FBXO27: variants seen among roughly 807,000 people sequenced by gnomAD.
The protein encoded by FBXO27 is F-box protein 27, also known as F-box only protein 27.
FBXO27 carries 28 observed loss-of-function variants against 28.3 expected under a neutral mutation model. The observed-to-expected ratio is 0.99, with a 90% confidence interval of 0.73 to 1.36. FBXO27 has a LOEUF of 1.36. Among genes scored for constraint, FBXO27 ranks in the 40% most tolerant of loss-of-function variants. The probability of loss-of-function intolerance (pLI) is 0.00; values close to 1 mark genes in which losing one functional copy is unlikely to be tolerated. For synonymous variants in FBXO27, 175 were observed against 167.3 expected, an observed-to-expected ratio of 1.05 and a Z score of -0.36; for missense variants, 388 against 394.1, an observed-to-expected ratio of 0.98 and a Z score of 0.13.
Position 39,031,979 on chromosome 19 carries a change from C to T in FBXO27, c.249G>A (p.Leu83=). The T allele has an allele frequency of 6.6e-7, 1 of 1,523,598 alleles. No individual in the cohort carries two copies. The highest frequency in any genetic ancestry group is 8.7e-7 in the Non-Finnish European group (1 of 1,145,870). The allele number at this position is 1,523,598 out of a possible 1,614,324, so 94.4% of individuals were successfully genotyped here. A position where few individuals can be genotyped will look rare whatever the true frequency, so the allele number is the denominator to read the frequency against. Residue 83 remains leucine (L), a synonymous_variant, in exon 2 of 6, where the codon CTG becomes CTA. Transcript: ENST00000292853. Reference sequence around the variant, plus strand: ...GAGACTGGCAGCTGCGGGCGAGGTGCAGCAGCGCGCGGCCGGTGGCGCCGT... The same window carrying T: ...GAGACTGGCAGCTGCGGGCGAGGTGTAGCAGCGCGCGGCCGGTGGCGCCGT... ...RDHGATGRAL[L]HLARSCQSPA...
At position 39,025,263 on chromosome 19, in the gene FBXO27, G is replaced by T; in HGVS notation, c.*148C>A. 9.5e-7 allele frequency: 1 copy of T among 1,050,700 alleles called. No homozygotes were observed. Among genetic ancestry groups the T allele is most frequent in the Non-Finnish European group, 1.4e-6 (1 of 730,466 alleles). 65.1% of individuals were successfully genotyped at this position (1,050,700 alleles called of 1,614,324 possible). On this transcript the variant is annotated 3_prime_UTR_variant, in exon 6 of 6. Transcript: ENST00000292853. ...TGGTAGTTTCTAGAACCTGAAGACA[G>T]GGCCCGTCAGGGCCTTTGATTGGAC... is the stretch of plus-strand genomic sequence containing the variant.
At chr19:39,029,175 C>T (rs118002888) in intron 4 of FBXO27, among the ~76,000 whole-genome samples, 12,984 of 151,648 alleles carry the variant, frequency 0.086, 708 homozygotes, top group Non-Finnish European at 0.12. Context: ...CCTGTAATCC[C>T]GGCACTTTAA....
chr19:39,008,321 T>C (rs1039820415), intron 2 of FBXO27, among the ~76,000 whole-genome samples: 1 of 152,018 alleles, frequency 6.6e-6, no homozygotes, highest in African/African-American at 2.4e-5. Flanking sequence ...TCTCACTATG[T>C]TGCCCAGGCT....
At chr19:39,010,903 G>A (rs2072791229) in intron 2 of FBXO27, among the ~76,000 whole-genome samples, 1 of 152,202 alleles carries the variant, frequency 6.6e-6, no homozygotes, top group Admixed American at 6.5e-5. Flanking sequence ...CCTGGGCAAA[G>A]CCAAGAACCT....
downstream of FBXO27, among the ~76,000 whole-genome samples, chr19:39,023,588 C>G (rs1258907060): frequency 6.6e-6 from 1 of 151,394 alleles, no homozygotes; most frequent in Non-Finnish European, 1.5e-5. Context: ...AGGGAGTCAG[C>G]TCTCTAGAGG....
chr19:39,016,606 A>AC (rs1054950131), intron 1 of FBXO27, among the ~76,000 whole-genome samples: 4 of 150,844 alleles, frequency 2.7e-5, no homozygotes, highest in South Asian at 2.1e-4. Context: ...AAAAAAAAAA[A>AC]AAAACCCAAA....
At position 39,025,328 on chromosome 19, in the gene FBXO27, G is replaced by T. The variant is rs990926245; in HGVS notation, c.*83C>A. ...TATGCCAGGGAGGTACAAGTGCTTG[G>T]TTGGTTAATGAGGGGTCCCAGCCAA... On this transcript the variant is annotated 3_prime_UTR_variant, in exon 6 of 6. Coordinates refer to ENST00000292853, the MANE Select transcript of FBXO27 (RefSeq NM_178820.5). The T allele has an allele frequency of 6.6e-7, 1 of 1,507,686 alleles. No homozygotes were observed. Among genetic ancestry groups the T allele is most frequent in the Non-Finnish European group, 8.9e-7 (1 of 1,119,994 alleles). The allele number at this position is 1,507,686 out of a possible 1,614,324, so 93.4% of individuals were successfully genotyped here.
At chr19:39,031,006 G>A (rs754857824) in intron 4 of FBXO27, 23 bp downstream of exon 4, 1 of 1,596,776 alleles carries the variant, frequency 6.3e-7, no homozygotes, top group Non-Finnish European at 8.6e-7. Context: ...TTAGCAAGGG[G>A]CTATTTTAAT....
intron 2 of FBXO27, among the ~76,000 whole-genome samples, chr19:39,012,578 G>A (rs1336434695): frequency 4.6e-5 from 7 of 152,096 alleles, no homozygotes; most frequent in Non-Finnish European, 1.0e-4. Context: ...TATACAAGTT[G>A]ACTAGAAACA....
At chr19:39,020,311 C>T (rs778249652), downstream of FBXO27, among the ~76,000 whole-genome samples, 4 of 152,094 alleles carry the variant, frequency 2.6e-5, no homozygotes, top group Non-Finnish European at 4.4e-5. Context: ...AACCCTTCTT[C>T]TGGATTGGTT....
At chr19:39,016,058 T>C (rs2873835) in intron 1 of FBXO27, among the ~76,000 whole-genome samples, 120,969 of 152,020 alleles carry the variant, frequency 0.8, 48,471 homozygotes, top group Middle Eastern at 0.88. Flanking sequence ...GGTGACAGAG[T>C]GAGACTCCAT....
Position 39,031,854 on chromosome 19 carries a change from G to A in FBXO27, c.364+10C>T, listed in dbSNP as rs778945877. 21 of 1,468,866 alleles carry A rather than the reference G, an allele frequency of 1.4e-5. No individual in the cohort carries two copies. Among genetic ancestry groups the A allele is most frequent in the African/African-American group, 2.9e-5 (2 of 67,968 alleles). 91.0% of individuals were successfully genotyped at this position (1,468,866 alleles called of 1,614,324 possible). A position where few individuals can be genotyped will look rare whatever the true frequency, so the allele number is the denominator to read the frequency against. On this transcript the variant is annotated intron_variant, in intron 2 of 5. Coordinates refer to ENST00000292853, the MANE Select transcript of FBXO27 (RefSeq NM_178820.5). ...CCCAGCATCCTGGACTTCCTCTTCC[G>A]AGATCCCACCTTGGCCGCAGGGGTT... is the stretch of plus-strand genomic sequence containing the variant.
downstream of FBXO27, among the ~76,000 whole-genome samples, chr19:39,019,443 A>G (rs2072835189): frequency 2.9e-5 from 2 of 69,014 alleles, no homozygotes; most frequent in Non-Finnish European, 6.2e-5. Context: ...AAAAAAAAAA[A>G]AAAAAAAAAA....
chr19:39,006,990 T>C (rs540608505), intron 2 of FBXO27, among the ~76,000 whole-genome samples: 2 of 140,994 alleles, frequency 1.4e-5, no homozygotes, highest in African/African-American at 5.3e-5. Flanking sequence ...GGAGGATCAC[T>C]TGAGGCCAGG....
chr19:39,025,180 A>C lies in FBXO27; in HGVS notation c.*231T>G. On this transcript the variant is annotated 3_prime_UTR_variant, in exon 6 of 6. Coordinates refer to ENST00000292853, the MANE Select transcript of FBXO27 (RefSeq NM_178820.5). ...CTTGTGGGTTTCCCCTCAGTACAGT[A>C]GGGCCCCCCCGCAAAGCAGCAGCTG... is the stretch of plus-strand genomic sequence containing the variant. The C allele has an allele frequency of 5.8e-6, 3 of 521,364 alleles. No individual in the cohort carries two copies. Among genetic ancestry groups the C allele is most frequent in the Non-Finnish European group, 6.7e-6 (2 of 299,598 alleles). The allele number at this position is 521,364 out of a possible 1,614,324, so 32.3% of individuals were successfully genotyped here. A position where few individuals can be genotyped will look rare whatever the true frequency, so the allele number is the denominator to read the frequency against.
At chr19:39,028,177 G>A (rs2072883397) in intron 4 of FBXO27, among the ~76,000 whole-genome samples, 1 of 152,078 alleles carries the variant, frequency 6.6e-6, no homozygotes, top group African/African-American at 2.4e-5. Flanking sequence ...GTTGCAGTGA[G>A]CTGAGATCGC....
intron 4 of FBXO27, among the ~76,000 whole-genome samples, chr19:39,027,759 C>T (rs1308028003): frequency 1.3e-5 from 2 of 151,968 alleles, no homozygotes; most frequent in Non-Finnish European, 2.9e-5. Context: ...GGCGATCTTC[C>T]TGCCTCCGCC....
intron 2 of FBXO27, among the ~76,000 whole-genome samples, chr19:39,007,501 G>A (rs557823256): frequency 2.0e-5 from 3 of 152,186 alleles, no homozygotes; most frequent in East Asian, 3.9e-4. Flanking sequence ...AAGACCGGGT[G>A]TTTCTTCTTA....
In FBXO27 at chr19:39,025,264, G is replaced by T; in HGVS notation, c.*147C>A. ...GGTAGTTTCTAGAACCTGAAGACAG[G>T]GCCCGTCAGGGCCTTTGATTGGACC... is the stretch of plus-strand genomic sequence containing the variant. On this transcript the variant is annotated 3_prime_UTR_variant, in exon 6 of 6. Transcript: ENST00000292853. 2 of 1,061,214 alleles carry T rather than the reference G, an allele frequency of 1.9e-6. No homozygotes were observed. Among genetic ancestry groups the T allele is most frequent in the Non-Finnish European group, 2.7e-6 (2 of 740,276 alleles). The allele number at this position is 1,061,214 out of a possible 1,614,324, so 65.7% of individuals were successfully genotyped here. A position where few individuals can be genotyped will look rare whatever the true frequency, so the allele number is the denominator to read the frequency against.
Sources: allele counts gnomAD v4.1 joint callset (sites outside exome capture counted in the v4.1 genomes callset), GRCh38; gene constraint gnomAD v4.1.1; transcripts MANE v1.5; gene names NCBI Gene and HGNC (gene_info 2026-07-23, HGNC 2026-07-21).